SORBS2: variants seen among roughly 807,000 people sequenced by gnomAD.
SORBS2 encodes sorbin and SH3 domain containing 2.
In SORBS2, 46 loss-of-function variants were observed where a neutral mutation model predicts 97.7. The observed-to-expected ratio is 0.47, with a 90% CI of 0.37 to 0.60. The LOEUF (loss-of-function observed/expected upper bound fraction) is 0.60. SORBS2 is among the 20% of genes least tolerant of loss of function. SORBS2 has a pLI of 0.00. For missense variants in SORBS2, 1,316 were observed against 1,282.3 expected (o/e 1.03, Z -0.40); for synonymous variants, 476 against 473.4 (o/e 1.01, Z -0.07).
At chr4:185,935,152 T>C (rs542674391) in intron 1 of SORBS2, among the ~76,000 whole-genome samples, 8 of 152,240 alleles carry the variant, frequency 5.3e-5, no homozygotes, top group South Asian at 2.1e-4. Flanking sequence ...CACAAACCAA[T>C]AGGCAATGTA....
intron 1 of SORBS2, among the ~76,000 whole-genome samples, chr4:185,868,159 C>CTTTCTTTTTTTT (rs59057506): frequency 9.5e-6 from 1 of 105,222 alleles, no homozygotes; most frequent in African/African-American, 3.9e-5. Context: ...TTTTTTCTTT[C>CTTTCTTTTTTTT]TTTTTTTTTT....
chr4:185,777,126 T>G (rs898127077), intron 1 of SORBS2, among the ~76,000 whole-genome samples: 1 of 152,206 alleles, frequency 6.6e-6, no homozygotes, highest in Non-Finnish European at 1.5e-5. Context: ...TCAATAGACC[T>G]TATATTAAAA....
chr4:185,669,310 T>G (rs1400967636), intron 4 of SORBS2, among the ~76,000 whole-genome samples: 1 of 152,212 alleles, frequency 6.6e-6, no homozygotes, highest in Non-Finnish European at 1.5e-5. Flanking sequence ...GGAAGTCATG[T>G]TCCCCCTCAA....
chr4:185,606,969 C>T lies in SORBS2; in HGVS notation c.2796+4811G>A, dbSNP rs768367244. ...ACTCTGCAAAGTTGCTTTGAGTTGT[C>T]GTTCTGGGATCCTGAAGAGGCTCTG... is the stretch of plus-strand genomic sequence containing the variant. On this transcript the variant is annotated intron_variant, in intron 12 of 14. Transcript: ENST00000418609. The surrounding 1 kb of genome is among the most constrained non-coding windows in gnomAD (Gnocchi z 4.3). 2.7e-5 allele frequency: 27 copies of T among 993,344 alleles called. No individual in the cohort carries two copies. Among genetic ancestry groups the T allele is most frequent in the Middle Eastern group, 5.1e-4 (1 of 1,960 alleles). The allele number at this position is 993,344 out of a possible 1,614,324, so 61.5% of individuals were successfully genotyped here. A position where few individuals can be genotyped will look rare whatever the true frequency, so the allele number is the denominator to read the frequency against.
chr4:185,945,177 A>C (rs754426270), intron 1 of SORBS2, among the ~76,000 whole-genome samples: 8 of 152,244 alleles, frequency 5.3e-5, no homozygotes, highest in Non-Finnish European at 8.8e-5. Context: ...GCATTGTGAT[A>C]GCTTGGAAGT....
chr4:185,888,612 G>C (rs1368618565), intron 1 of SORBS2, among the ~76,000 whole-genome samples: 1 of 152,180 alleles, frequency 6.6e-6, no homozygotes, highest in Non-Finnish European at 1.5e-5. Flanking sequence ...CTTTCTTCTA[G>C]AGTTTGTTTT....
rs74625432 is a variant in SORBS2 at position 185,764,727 on chromosome 4, T to C, written c.-198+10500A>G. The stretch of plus-strand genomic sequence containing the variant: ...AAGAAATAGCAAATAGAGGGAAAGA[T>C]GTTTTAATGCAGGTCTTTATTGAGT... On this transcript the variant is annotated intron_variant, in intron 2 of 20. Coordinates refer to the SORBS2 transcript ENST00000284776. Among the ~76,000 whole-genome samples, 478 of 152,254 alleles carry C rather than the reference T, an allele frequency of 3.1e-3. 9 individuals carry two copies. The East Asian group carries it at 0.054, about 17-fold the overall frequency.
At chr4:185,859,986 C>A (rs2099222776) in intron 1 of SORBS2, among the ~76,000 whole-genome samples, 1 of 152,144 alleles carries the variant, frequency 6.6e-6, no homozygotes, top group African/African-American at 2.4e-5. Flanking sequence ...CAAGATCCTT[C>A]CATAATTTAT....
At chr4:185,690,434 A>G in intron 2 of SORBS2, 128 bp downstream of exon 4, 1 of 509,880 alleles carries the variant, frequency 2.0e-6, no homozygotes, top group South Asian at 4.9e-5. Context: ...TAATGAATCT[A>G]TGCTATGTAT....
At chr4:185,890,948 T>TTGAATGAATGAATGAATGAA (rs10526809) in intron 1 of SORBS2, among the ~76,000 whole-genome samples, 50 of 151,766 alleles carry the variant, frequency 3.3e-4, no homozygotes, top group South Asian at 2.1e-3. Flanking sequence ...ATAGTAAATA[T>TTGAATGAATGAATGAATGAA]TGAATGAATG....
At chr4:185,726,950 T>C (rs1423297314) in intron 2 of SORBS2, among the ~76,000 whole-genome samples, 1 of 152,110 alleles carries the variant, frequency 6.6e-6, no homozygotes, top group African/African-American at 2.4e-5. Context: ...GGGTAAAGTA[T>C]TGGGTTGCCT....
chr4:185,803,384 AG>A (rs1485907403), intron 1 of SORBS2, among the ~76,000 whole-genome samples: 4 of 152,222 alleles, frequency 2.6e-5, no homozygotes, highest in African/African-American at 9.6e-5. Context: ...GCACAAGCTT[AG>A]GGTTCGAAAT....
intron 2 of SORBS2, among the ~76,000 whole-genome samples, chr4:185,748,544 G>C (rs190650642): frequency 1.3e-4 from 20 of 152,302 alleles, no homozygotes; most frequent in African/African-American, 4.1e-4. Flanking sequence ...CAGGATGCCA[G>C]CTTAGCAAGG....
chr4:185,875,759 G>A (rs567397568), intron 1 of SORBS2, among the ~76,000 whole-genome samples: 3 of 152,306 alleles, frequency 2.0e-5, no homozygotes, highest in African/African-American at 4.8e-5. Flanking sequence ...ACGTGCATAT[G>A]TAACTACACA....
At chr4:185,738,802 G>A (rs1485796106) in intron 2 of SORBS2, among the ~76,000 whole-genome samples, 2 of 152,144 alleles carry the variant, frequency 1.3e-5, no homozygotes, top group Non-Finnish European at 2.9e-5. Flanking sequence ...ACAAAGTTCA[G>A]GCTTATTTTG....
At chr4:185,611,246 G>A (rs1432216688) in intron 12 of SORBS2, among the ~76,000 whole-genome samples, 2 of 151,962 alleles carry the variant, frequency 1.3e-5, no homozygotes, top group African/African-American at 2.4e-5. Flanking sequence ...TAAAAAACTT[G>A]TATAGATTTG....
chr4:185,955,509 A>C (rs2099279118), intron 1 of SORBS2, among the ~76,000 whole-genome samples: 1 of 152,226 alleles, frequency 6.6e-6, no homozygotes, highest in Non-Finnish European at 1.5e-5. Context: ...CCACAAAGCA[A>C]TCTCATGCCT....
rs964642697 is a variant in SORBS2 at position 185,775,425 on chromosome 4, G to A, written c.-337-59C>T. On this transcript the variant is annotated intron_variant, in intron 1 of 20. Transcript: ENST00000284776. Reference sequence around the variant, plus strand: ...GAGAGGGAAAGAATCCCAGCTGCTGGGTGGTGCTACTGTTCTGAGAGCATT... The same window carrying A: ...GAGAGGGAAAGAATCCCAGCTGCTGAGTGGTGCTACTGTTCTGAGAGCATT... The A allele has an allele frequency of 3.9e-5, 6 of 152,624 alleles. No homozygotes were observed. The South Asian group carries it at 1.2e-3, about 32-fold the overall frequency. 9.5% of individuals were successfully genotyped at this position (152,624 alleles called of 1,614,324 possible).
intron 1 of SORBS2, among the ~76,000 whole-genome samples, chr4:185,800,094 T>C (rs1049820003): frequency 9.2e-5 from 14 of 152,164 alleles, no homozygotes; most frequent in Non-Finnish European, 1.9e-4. Context: ...CTCAGGAGGC[T>C]GAGGCAGGAG....
Sources: gnomAD v4.1 joint callset for allele counts (sites outside exome capture counted in the v4.1 genomes callset) on GRCh38, gnomAD v4.1.1 for gene constraint, Gnocchi (gnomAD v3.1) non-coding constraint, MANE v1.5 for transcripts, NCBI Gene and HGNC (gene_info 2026-07-23, HGNC 2026-07-21) for gene names.